Variants in FOCAD observed in about 807,000 individuals in gnomAD.
The protein encoded by FOCAD is KIAA1797.
Under a neutral mutation model 225.6 loss-of-function variants are expected in FOCAD, and 198 were observed. That is an observed-to-expected ratio of 0.88 (90% CI 0.78 to 0.99). The LOEUF is 0.99. Among genes scored for constraint, FOCAD ranks in the 50% least tolerant of loss-of-function variants. FOCAD has a pLI of 0.00. For synonymous variants in FOCAD, 897 were observed against 755.0 expected, an observed-to-expected ratio of 1.19 and a Z score of -3.08; for missense variants, 2,713 against 2,123.6, an observed-to-expected ratio of 1.28 and a Z score of -5.46.
intron 10 of FOCAD, among the ~76,000 whole-genome samples, chr9:20,786,099 A>G (rs1239444348): frequency 6.6e-6 from 1 of 152,166 alleles, no homozygotes. Flanking sequence ...GTTGGAATTC[A>G]GATTTTGACT....
intron 11 of FOCAD, among the ~76,000 whole-genome samples, chr9:20,803,220 G>T (rs965006570): frequency 6.6e-6 from 1 of 152,064 alleles, no homozygotes; most frequent in Non-Finnish European, 1.5e-5. Context: ...GAAGAGGGAG[G>T]ATTGCTGGGG....
At chr9:20,890,332 G>T (rs1253977025) in intron 21 of FOCAD, among the ~76,000 whole-genome samples, 2 of 146,930 alleles carry the variant, frequency 1.4e-5, no homozygotes, top group Non-Finnish European at 3.0e-5. Context: ...CCTTTGTCAG[G>T]TTGAAGAAGT....
chr9:20,852,029 TAGGTC>T (rs1827710535), intron 15 of FOCAD, among the ~76,000 whole-genome samples: 1 of 151,830 alleles, frequency 6.6e-6, no homozygotes, highest in South Asian at 2.1e-4. Flanking sequence ...TAGCTGGTGA[TAGGTC>T]AGTTACCACC....
chr9:20,929,414 G>A lies in FOCAD; in HGVS notation c.3135G>A (p.Thr1045=), dbSNP rs775718721. 8 of 1,613,994 alleles carry A rather than the reference G, an allele frequency of 5.0e-6. No individual in the cohort carries two copies. The highest frequency in any genetic ancestry group is 4.2e-6 in the Non-Finnish European group (5 of 1,180,000). ...ASAIARSAAA[T]ALSLLVPVFI... is the part of the protein sequence containing the mutation. ...CCATTGCCCGTTCTGCTGCCGCCAC[G>A]GCTTTGTCTCTCCTTGTGCCAGTTT... is the stretch of plus-strand genomic sequence containing the variant. Residue 1045 remains threonine, a synonymous_variant, in exon 27 of 44, where the codon ACG becomes ACA. Transcript: ENST00000338382.
At chr9:20,660,844 G>A (rs1183886924) in intron 2 of FOCAD, among the ~76,000 whole-genome samples, 1 of 152,020 alleles carries the variant, frequency 6.6e-6, no homozygotes, top group Non-Finnish European at 1.5e-5. Flanking sequence ...AATAAAAGAA[G>A]AATTATGGCA....
intron 15 of FOCAD, among the ~76,000 whole-genome samples, chr9:20,829,804 A>G (rs568182638): frequency 3.3e-5 from 5 of 152,250 alleles, no homozygotes; most frequent in African/African-American, 1.2e-4. Flanking sequence ...TGAAATTAGC[A>G]TAATGCTTTC....
chr9:20,941,893 G>A (rs1836693806), intron 28 of FOCAD, among the ~76,000 whole-genome samples: 1 of 152,196 alleles, frequency 6.6e-6, no homozygotes, highest in African/African-American at 2.4e-5. Context: ...TCAAAGAGAA[G>A]CTAGAATGAG....
intron 35 of FOCAD, among the ~76,000 whole-genome samples, chr9:20,968,423 T>G (rs1839456483): frequency 2.2e-5 from 3 of 138,492 alleles, no homozygotes; most frequent in African/African-American, 5.3e-5. Flanking sequence ...TGTTTGTATT[T>G]TCTTATTCTT....
chr9:20,787,229 G>A (rs1820014053), intron 10 of FOCAD, among the ~76,000 whole-genome samples: 1 of 152,108 alleles, frequency 6.6e-6, no homozygotes, highest in Non-Finnish European at 1.5e-5. Context: ...GAGGTTCATG[G>A]TAATTTCCAA....
In FOCAD at chr9:20,981,318, C is replaced by A. The variant is rs571646801; in HGVS notation, c.4378-108C>A. On this transcript the variant is annotated intron_variant, in intron 37 of 43. Coordinates refer to ENST00000338382, the MANE Select transcript of FOCAD (RefSeq NM_001375567.1). ...TGAAGGGGGAAGGAAGTAACCTGAA[C>A]CTTTTATCTCTCAGTCTACCCTCAA... 7.2e-5 allele frequency: 92 copies of A among 1,280,076 alleles called. 1 individual carries two copies. In the South Asian group the frequency reaches 1.2e-3, roughly 17 times the overall value. 79.3% of individuals were successfully genotyped at this position (1,280,076 alleles called of 1,614,324 possible). A position where few individuals can be genotyped will look rare whatever the true frequency, so the allele number is the denominator to read the frequency against.
intron 1 of FOCAD, among the ~76,000 whole-genome samples, chr9:20,705,297 C>G (rs1461454646): frequency 6.6e-6 from 1 of 152,132 alleles, no homozygotes; most frequent in African/African-American, 2.4e-5. Flanking sequence ...TATCAGTCTT[C>G]TTTTATTTTT....
chr9:20,857,885 A>G (rs1407155367), intron 15 of FOCAD, among the ~76,000 whole-genome samples: 2 of 151,234 alleles, frequency 1.3e-5, no homozygotes, highest in East Asian at 1.9e-4. Context: ...CTGATATAAC[A>G]TATTGCATTG....
At chr9:20,715,538 A>C in intron 2 of FOCAD, 128 bp downstream of exon 2, 2 of 378,534 alleles carry the variant, frequency 5.3e-6, no homozygotes, top group Non-Finnish European at 8.8e-6. Context: ...TTGTGAAACA[A>C]CTTTAAATAT....
In FOCAD at chr9:20,929,472, A is replaced by G; in HGVS notation, c.3193A>G (p.Ile1065Val). The G allele has an allele frequency of 6.2e-7, 1 of 1,614,116 alleles. No individual in the cohort carries two copies. Among genetic ancestry groups the G allele is most frequent in the Non-Finnish European group, 8.5e-7 (1 of 1,180,020 alleles). ...CTCTTGCAAAGAGAAGGTTGAGGAA[A>G]TCCTGAACATGCTGACTGCCAGGTT... is the stretch of plus-strand genomic sequence containing the variant. ...IISCKEKVEE[I>V]LNMLTARLPG... Residue 1065 changes from isoleucine to valine, a missense_variant, in exon 27 of 44, where the codon ATC becomes GTC. By Grantham distance (29) the Ile-to-Val change is conservative. Transcript: ENST00000338382.
chr9:20,839,140 G>A (rs932145256), intron 15 of FOCAD, among the ~76,000 whole-genome samples: 5 of 151,918 alleles, frequency 3.3e-5, no homozygotes, highest in African/African-American at 1.2e-4. Flanking sequence ...GGGTGTGTGT[G>A]TGTGTTTGTG....
chr9:20,807,911 C>T (rs1822634727), intron 11 of FOCAD, among the ~76,000 whole-genome samples: 1 of 151,970 alleles, frequency 6.6e-6, no homozygotes, highest in Non-Finnish European at 1.5e-5. Flanking sequence ...ATTAGCTAGG[C>T]ATGGTGGTGC....
At chr9:20,671,753 A>G (rs1822070371) in intron 2 of FOCAD, among the ~76,000 whole-genome samples, 1 of 152,198 alleles carries the variant, frequency 6.6e-6, no homozygotes, top group African/African-American at 2.4e-5. Context: ...GCTCCCTAAT[A>G]CAGTCACCTT....
intron 11 of FOCAD, among the ~76,000 whole-genome samples, chr9:20,804,509 G>A (rs1822198684): frequency 6.6e-6 from 1 of 151,816 alleles, no homozygotes; most frequent in African/African-American, 2.4e-5. Flanking sequence ...GCATATATTA[G>A]GTTGTCTTAG....
At chr9:20,763,074 T>G (rs922226893) in intron 6 of FOCAD, among the ~76,000 whole-genome samples, 1 of 152,254 alleles carries the variant, frequency 6.6e-6, no homozygotes, top group South Asian at 2.1e-4. Context: ...ATTTCATCTT[T>G]GTATCTTATC....
Sources: gnomAD v4.1 joint callset for allele counts (sites outside exome capture counted in the v4.1 genomes callset) on GRCh38, gnomAD v4.1.1 for gene constraint, MANE v1.5 for transcripts, NCBI Gene and HGNC (gene_info 2026-07-23, HGNC 2026-07-21) for gene names.